CCDC178: variants seen among roughly 807,000 people sequenced by gnomAD.
CCDC178 encodes the protein coiled-coil domain containing 178, also known as coiled-coil domain-containing protein 178.
In CCDC178, 126 loss-of-function variants were observed where a neutral mutation model predicts 117.4. The ratio of observed to expected loss-of-function variants is 1.07; its 90% CI spans 0.93 to 1.24. The LOEUF (loss-of-function observed/expected upper bound fraction) is 1.24, where lower values mean the gene tolerates loss of function less well. Among genes scored for constraint, CCDC178 ranks in the 50% most tolerant of loss-of-function variants. The probability of loss-of-function intolerance (pLI) is 0.00; values close to 1 mark genes in which losing one functional copy is unlikely to be tolerated. For missense variants in CCDC178, 1,030 were observed against 986.9 expected (o/e 1.04, Z -0.59); for synonymous variants, 283 against 313.4 (o/e 0.90, Z 1.02).
intron 14 of CCDC178, among the ~76,000 whole-genome samples, chr18:33,261,231 C>A (rs1379125610): frequency 6.6e-6 from 1 of 152,066 alleles, no homozygotes; most frequent in Non-Finnish European, 1.5e-5. Context: ...CTACAGGCGC[C>A]CGCCACCACG....
intron 2 of CCDC178, among the ~76,000 whole-genome samples, chr18:33,437,161 T>C (rs1438322563): frequency 6.6e-6 from 1 of 152,206 alleles, no homozygotes; most frequent in Admixed American, 6.5e-5. Flanking sequence ...AAAGAATTTG[T>C]CGCAAGTGTA....
At chr18:33,330,183 G>A (rs944690834) in intron 10 of CCDC178, among the ~76,000 whole-genome samples, 1 of 151,878 alleles carries the variant, frequency 6.6e-6, no homozygotes, top group Non-Finnish European at 1.5e-5. Context: ...TTTGAGTATT[G>A]TCAGTTATGC....
At chr18:33,110,164 T>C (rs2057761509) in intron 20 of CCDC178, among the ~76,000 whole-genome samples, 1 of 151,648 alleles carries the variant, frequency 6.6e-6, no homozygotes, top group Non-Finnish European at 1.5e-5. Flanking sequence ...TTGAGCACAA[T>C]TTCATATGCT....
intron 6 of CCDC178, among the ~76,000 whole-genome samples, chr18:33,364,027 A>C (rs149223610): frequency 9.3e-4 from 142 of 152,202 alleles, no homozygotes; most frequent in African/African-American, 3.2e-3. Context: ...TTTGTTAAGC[A>C]CTTGTCTGTT....
chr18:33,412,898 CT>C (rs1302253857), intron 2 of CCDC178, among the ~76,000 whole-genome samples: 2 of 152,066 alleles, frequency 1.3e-5, no homozygotes, highest in East Asian at 3.9e-4. Context: ...TGCGTTCTCC[CT>C]GTACTTTTTT....
chr18:33,278,950 T>C (rs1193533792), intron 12 of CCDC178, among the ~76,000 whole-genome samples: 1 of 152,194 alleles, frequency 6.6e-6, no homozygotes, highest in Non-Finnish European at 1.5e-5. Flanking sequence ...TGATGGGATG[T>C]ATCTCAAAAT....
chr18:33,239,200 T>C (rs1346882398), intron 15 of CCDC178, among the ~76,000 whole-genome samples: 1 of 151,854 alleles, frequency 6.6e-6, no homozygotes, highest in African/African-American at 2.4e-5. Flanking sequence ...GCAGAGCCAA[T>C]ATACACAGTA....
At chr18:32,950,924 A>G (rs2054468213) in intron 22 of CCDC178, among the ~76,000 whole-genome samples, 1 of 152,174 alleles carries the variant, frequency 6.6e-6, no homozygotes, top group Non-Finnish European at 1.5e-5. Context: ...TTCAGTTACC[A>G]CTAATATGCT....
intron 20 of CCDC178, among the ~76,000 whole-genome samples, chr18:33,109,259 A>C (rs933355501): frequency 2.0e-5 from 3 of 151,742 alleles, no homozygotes; most frequent in African/African-American, 7.2e-5. Flanking sequence ...AGCTAATCAC[A>C]ACCTTATATA....
At chr18:33,159,908 T>G (rs968239918) in intron 20 of CCDC178, among the ~76,000 whole-genome samples, 1 of 152,084 alleles carries the variant, frequency 6.6e-6, no homozygotes, top group African/African-American at 2.4e-5. Context: ...ACAGAAAACT[T>G]CTAACAGGAC....
intron 5 of CCDC178, among the ~76,000 whole-genome samples, chr18:33,370,867 G>C (rs1471120230): frequency 1.3e-5 from 2 of 152,020 alleles, no homozygotes; most frequent in Non-Finnish European, 2.9e-5. Flanking sequence ...ATCGACTGAA[G>C]GTTGCAGAAG....
At chr18:33,151,978 T>C (rs2058346572) in intron 20 of CCDC178, among the ~76,000 whole-genome samples, 1 of 152,186 alleles carries the variant, frequency 6.6e-6, no homozygotes, top group Non-Finnish European at 1.5e-5. Context: ...GTATAAAGTA[T>C]GTCTCCAAAC....
At chr18:33,283,737 C>A (rs535899437) in intron 12 of CCDC178, among the ~76,000 whole-genome samples, 2 of 152,112 alleles carry the variant, frequency 1.3e-5, no homozygotes, top group African/African-American at 4.8e-5. Flanking sequence ...ATGGCTATTA[C>A]TAAAAAGCCA....
chr18:33,115,555 T>C (rs1318007068), intron 20 of CCDC178, among the ~76,000 whole-genome samples: 1 of 152,052 alleles, frequency 6.6e-6, no homozygotes, highest in Non-Finnish European at 1.5e-5. Context: ...AAATACTGAC[T>C]ACAGTTTTAG....
intron 18 of CCDC178, among the ~76,000 whole-genome samples, chr18:33,220,651 A>G (rs16964447): frequency 0.01 from 1,550 of 152,200 alleles, 24 homozygotes; most frequent in African/African-American, 0.035. Flanking sequence ...TGAGAATTCA[A>G]TGAAATGATC....
At chr18:33,022,725 T>C (rs2056147499) in intron 21 of CCDC178, among the ~76,000 whole-genome samples, 1 of 152,136 alleles carries the variant, frequency 6.6e-6, no homozygotes, top group Non-Finnish European at 1.5e-5. Flanking sequence ...ATGGCAGACT[T>C]ATTCTCTAAC....
intron 20 of CCDC178, among the ~76,000 whole-genome samples, chr18:33,179,275 G>A (rs997459459): frequency 6.7e-6 from 1 of 150,174 alleles, no homozygotes. Context: ...AAATATAGAT[G>A]TAGAGAGAAA....
chr18:33,181,250 A>C lies in CCDC178; in HGVS notation c.2238+30646T>G, dbSNP rs1014997773. Among the ~76,000 whole-genome samples, 11 of 151,988 alleles carry C rather than the reference A, an allele frequency of 7.2e-5. 1 individual carries two copies. The highest frequency in any genetic ancestry group is 6.6e-4 in the Admixed American group (10 of 15,206). On this transcript the variant is annotated intron_variant, in intron 20 of 22. Transcript: ENST00000383096. ...TTTGTGGCTGAATCTGCTATTTGTC[A>C]TAAGATAAATGATAAAGTGATTGCC... is the stretch of plus-strand genomic sequence containing the variant.
intron 8 of CCDC178, 147 bp downstream of exon 8, chr18:33,348,743 T>A: frequency 1.7e-6 from 1 of 581,498 alleles, no homozygotes; most frequent in South Asian, 2.1e-5. Flanking sequence ...CTTAATCAAA[T>A]GATATAGAGG....
Sources: allele counts gnomAD v4.1 joint callset (sites outside exome capture counted in the v4.1 genomes callset), GRCh38; gene constraint gnomAD v4.1.1; transcripts MANE v1.5; gene names NCBI Gene and HGNC (gene_info 2026-07-23, HGNC 2026-07-21).